The following TMEM164 variants were observed in gnomAD, a reference collection of about 807,000 sequenced individuals.
TMEM164 encodes RP13-360B22.2.
A neutral mutation model predicts 18.8 loss-of-function variants in TMEM164; 4 were observed. The ratio of observed to expected loss-of-function variants is 0.21; its 90% confidence interval spans 0.10 to 0.49. The LOEUF is 0.49. TMEM164 is among the 20% of genes least tolerant of loss of function. The probability of loss-of-function intolerance (pLI) is 0.98; values close to 1 mark genes in which losing one functional copy is unlikely to be tolerated. For missense variants in TMEM164, 108 were observed against 239.9 expected (o/e 0.45, Z 3.63); for synonymous variants, 86 against 101.7 (o/e 0.85, Z 0.93).
chrX:110,020,485 A>C (rs1418608560), intron 2 of TMEM164: 1 of 752,578 alleles, frequency 1.3e-6, no homozygotes, highest in Non-Finnish European at 1.6e-6. Context: ...AAGCTAGAGA[A>C]GAGAAAGAAG....
chrX:110,071,743 A>C (rs1327533163), intron 3 of TMEM164, among the ~76,000 whole-genome samples: 3 of 101,360 alleles, frequency 3.0e-5, no homozygotes, highest in African/African-American at 1.0e-4. Flanking sequence ...AAAAAAATTA[A>C]AATTAAAATT....
chrX:110,135,472 T>C (rs1187409450), intron 4 of TMEM164, among the ~76,000 whole-genome samples: 1 of 111,704 alleles, frequency 9.0e-6, no homozygotes, highest in Admixed American at 9.5e-5. Context: ...TTTGTGCATG[T>C]GGGCAAGTAT....
rs192718436 is a variant in TMEM164 at position 110,072,658 on chromosome X, T to C, written c.440+5262T>C. Among the ~76,000 whole-genome samples the C allele has an allele frequency of 9.9e-3, 1,107 of 111,633 alleles. 9 individuals carry two copies. The highest frequency in any genetic ancestry group is 0.032 in the African/African-American group (989 of 30,788). ...TATTAATCAGGTTAGTAAGCACTTA[T>C]CTGTTTTTGGTTGCTACATAGAACC... On this transcript the variant is annotated intron_variant, in intron 3 of 6. Transcript: ENST00000372068.
chrX:110,048,645 A>G (rs748175167), intron 2 of TMEM164, among the ~76,000 whole-genome samples: 4 of 111,005 alleles, frequency 3.6e-5, no homozygotes, highest in Non-Finnish European at 7.5e-5. Context: ...ATTTTCTTCC[A>G]GAGGTATACA....
At chrX:110,052,624 C>T (rs771522202) in intron 2 of TMEM164, among the ~76,000 whole-genome samples, 1 of 111,890 alleles carries the variant, frequency 8.9e-6, no homozygotes, top group East Asian at 2.8e-4. Context: ...TCACACAGCT[C>T]CTGCTCTCCA....
intron 2 of TMEM164, among the ~76,000 whole-genome samples, chrX:110,008,136 T>A (rs188779505): frequency 2.5e-4 from 28 of 112,431 alleles, no homozygotes; most frequent in African/African-American, 8.4e-4. Context: ...TACCCGCTTT[T>A]GGTTCACTGT....
At chrX:110,035,374 A>C (rs775150507) in intron 2 of TMEM164, among the ~76,000 whole-genome samples, 2 of 110,651 alleles carry the variant, frequency 1.8e-5, no homozygotes, top group African/African-American at 6.6e-5. Flanking sequence ...CCAATTTTAT[A>C]CCTGATTTTT....
At chrX:110,015,325 G>T (rs1933287490) in intron 2 of TMEM164, among the ~76,000 whole-genome samples, 1 of 111,741 alleles carries the variant, frequency 8.9e-6, no homozygotes, top group African/African-American at 3.3e-5. Context: ...AGAAAGCTAA[G>T]GTCATGTTTT....
chrX:110,045,553 C>A (rs1935283219), intron 2 of TMEM164, among the ~76,000 whole-genome samples: 1 of 111,845 alleles, frequency 8.9e-6, no homozygotes, highest in African/African-American at 3.3e-5. Flanking sequence ...TGCCAGAGAC[C>A]CTGCCTCCCT....
At chrX:110,021,188 T>G (rs146754872) in intron 2 of TMEM164, among the ~76,000 whole-genome samples, 1 of 111,541 alleles carries the variant, frequency 9.0e-6, no homozygotes, top group African/African-American at 3.3e-5. Context: ...AAATACTTAT[T>G]TAAATAAAGA....
chrX:110,015,780 C>A (rs1933328229), intron 2 of TMEM164, among the ~76,000 whole-genome samples: 1 of 112,012 alleles, frequency 8.9e-6, no homozygotes, highest in Non-Finnish European at 1.9e-5. Context: ...AGGAAAGGGA[C>A]CGCCTCTACA....
intron 2 of TMEM164, among the ~76,000 whole-genome samples, chrX:110,038,120 A>T (rs1383706616): frequency 3.8e-5 from 4 of 105,374 alleles, no homozygotes. Context: ...CCTCCCAAGT[A>T]GCTGGGACTA....
intron 5 of TMEM164, among the ~76,000 whole-genome samples, chrX:110,158,559 T>C (rs916465077): frequency 1.8e-5 from 2 of 112,393 alleles, no homozygotes; most frequent in Non-Finnish European, 3.8e-5. Flanking sequence ...AGCAGCACTT[T>C]ATTATTAGCT....
intron 4 of TMEM164, among the ~76,000 whole-genome samples, chrX:110,123,126 A>C (rs1017630358): frequency 1.8e-5 from 2 of 111,625 alleles, no homozygotes; most frequent in African/African-American, 6.5e-5. Flanking sequence ...CATTTTTTTC[A>C]TGTGGATATC....
chrX:110,081,934 C>A (rs2065764303), intron 3 of TMEM164, among the ~76,000 whole-genome samples: 1 of 112,441 alleles, frequency 8.9e-6, no homozygotes, highest in Non-Finnish European at 1.9e-5. Flanking sequence ...CAAAGGCTGG[C>A]AACTCCCACT....
chrX:110,129,247 T>C (rs78985446), intron 4 of TMEM164, among the ~76,000 whole-genome samples: 4 of 112,818 alleles, frequency 3.5e-5, no homozygotes, highest in African/African-American at 9.7e-5. Context: ...AGTGTAAAGA[T>C]TGAGAGTAGA....
chrX:110,163,641 T>C (rs60182320), intron 5 of TMEM164, among the ~76,000 whole-genome samples: 5,769 of 112,029 alleles, frequency 0.051, 368 homozygotes, highest in African/African-American at 0.18. Flanking sequence ...TGTTGACTTG[T>C]TGGTTTTAGA....
chrX:110,165,091 C>T lies in TMEM164; in HGVS notation c.587-6329C>T, dbSNP rs77183129. On this transcript the variant is annotated intron_variant, in intron 5 of 6. Coordinates refer to ENST00000372068, the MANE Select transcript of TMEM164 (RefSeq NM_032227.4). ...CTCTTGCATTGCTACTTTCCTGAAACGGCTATTGCAAAGATTACTAACTAG... is the reference window on the plus strand; with the variant it reads ...CTCTTGCATTGCTACTTTCCTGAAATGGCTATTGCAAAGATTACTAACTAG... Among the ~76,000 whole-genome samples the T allele has an allele frequency of 4.6e-4, 52 of 113,125 alleles. 1 individual carries two copies. In the East Asian group the frequency reaches 0.011, roughly 24 times the overall value.
At chrX:110,177,938 G>A (rs949124541), downstream of TMEM164, 6 of 112,211 alleles carry the variant, frequency 5.3e-5, no homozygotes, top group African/African-American at 9.7e-5. Context: ...TGGGAGCTGC[G>A]TGGCTGGTTG....
Sources: allele counts gnomAD v4.1 joint callset (sites outside exome capture counted in the v4.1 genomes callset), GRCh38; gene constraint gnomAD v4.1.1; transcripts MANE v1.5; gene names NCBI Gene and HGNC (gene_info 2026-07-23, HGNC 2026-07-21).